NPAS1: variants seen among roughly 807,000 people sequenced by gnomAD.
NPAS1 encodes neuronal PAS domain protein 1.
In NPAS1, 29 loss-of-function variants were observed where a neutral mutation model predicts 49.2. The ratio of observed to expected loss-of-function variants is 0.59; its 90% confidence interval spans 0.44 to 0.80. The LOEUF (loss-of-function observed/expected upper bound fraction) is 0.80. Among genes scored for constraint, NPAS1 ranks in the 30% least tolerant of loss-of-function variants. NPAS1 has a pLI of 0.00. For synonymous variants in NPAS1, 408 were observed against 380.4 expected (o/e 1.07, Z -0.84); for missense variants, 825 against 835.5 (o/e 0.99, Z 0.15).
chr19:47,040,333 T>G, intron 8 of NPAS1, 111 bp from the exon 9 acceptor site: 1 of 681,694 alleles, frequency 1.5e-6, no homozygotes, highest in Non-Finnish European at 2.6e-6. Flanking sequence ...ACACTGTTAT[T>G]GCACCCATTT....
intron 7 of NPAS1, 22 bp downstream of exon 7, chr19:47,039,173 C>T (rs1344121726): frequency 1.3e-6 from 2 of 1,575,648 alleles, no homozygotes; most frequent in South Asian, 1.2e-5. Flanking sequence ...CAGTCAGGCT[C>T]CTGTATTCCA....
At chr19:47,023,611 A>T (rs1214477706) in intron 3 of NPAS1, among the ~76,000 whole-genome samples, 1 of 152,198 alleles carries the variant, frequency 6.6e-6, no homozygotes, top group Non-Finnish European at 1.5e-5. Context: ...GCCACAGAGC[A>T]GAGCACTGTC....
chr19:47,028,138 G>A (rs2056885723), intron 3 of NPAS1, among the ~76,000 whole-genome samples: 1 of 151,710 alleles, frequency 6.6e-6, no homozygotes, highest in African/African-American at 2.4e-5. Flanking sequence ...TAATTGCAGC[G>A]GTTCAGTCTG....
At position 47,043,823 on chromosome 19, in the gene NPAS1, G is replaced by A. The variant is rs368453321; in HGVS notation, c.1312+919G>A. ...CTTATGCCTGTAAACCCAGAACTTT[G>A]GGAGGCTGAGGTAAGAGAATTGCTT... On this transcript the variant is annotated intron_variant, in intron 11 of 11. Coordinates refer to ENST00000602212, the MANE Select transcript of NPAS1 (RefSeq NM_002517.4). 5.3e-5 allele frequency among the ~76,000 whole-genome samples: 8 copies of A among 152,004 alleles called. No homozygotes were observed. The East Asian group carries it at 9.6e-4, about 18-fold the overall frequency.
intron 8 of NPAS1, among the ~76,000 whole-genome samples, 170 bp downstream of exon 8, chr19:47,039,734 G>A (rs566413584): frequency 6.6e-6 from 1 of 152,134 alleles, no homozygotes; most frequent in African/African-American, 2.4e-5. Context: ...GGGAAGGCAG[G>A]GGACCAGGGC....
chr19:47,045,374 G>A lies in NPAS1; in HGVS notation c.1496G>A (p.Arg499Gln), dbSNP rs932009563. 1 of 1,613,424 alleles carries A rather than the reference G, an allele frequency of 6.2e-7. No individual in the cohort carries two copies. Among genetic ancestry groups the A allele is most frequent in the Non-Finnish European group, 8.5e-7 (1 of 1,179,852 alleles). The part of the protein sequence containing the change: ...TPRPEFTSVI[R>Q]AGVLKQDPVR... ...AGGCCCGAGTTCACCTCTGTCATCC[G>A]GGCAGGGGTCCTGAAGCAGGATCCG... The change falls in exon 12 of 12, where the codon CGG becomes CAG. Residue 499 changes from arginine (R) to glutamine (Q), a missense_variant. Coordinates refer to ENST00000602212, the MANE Select transcript of NPAS1 (RefSeq NM_002517.4).
Position 47,026,141 on chromosome 19 carries a change from G to A in NPAS1, c.358+4294G>A, listed in dbSNP as rs561416106. 6.6e-5 allele frequency among the ~76,000 whole-genome samples: 10 copies of A among 152,154 alleles called. No homozygotes were observed. In the South Asian group the frequency reaches 1.9e-3, roughly 28 times the overall value. On this transcript the variant is annotated intron_variant, in intron 3 of 11. Transcript: ENST00000602212. ...TTTAGTAGAGACAGGGTTTCGCCACGTTGGCCAGGCTGGTCTTGAACTCCT... is the reference window on the plus strand; with the variant it reads ...TTTAGTAGAGACAGGGTTTCGCCACATTGGCCAGGCTGGTCTTGAACTCCT...
chr19:47,043,643 G>T (rs989587116), intron 11 of NPAS1, among the ~76,000 whole-genome samples: 6 of 152,092 alleles, frequency 3.9e-5, no homozygotes, highest in African/African-American at 1.2e-4. Flanking sequence ...TGTAGTCCCA[G>T]CTACTCAGGA....
intron 3 of NPAS1, among the ~76,000 whole-genome samples, chr19:47,025,178 A>G (rs1451763455): frequency 1.5e-5 from 2 of 136,104 alleles, no homozygotes; most frequent in African/African-American, 2.5e-5. Flanking sequence ...TCATTCACCA[A>G]CAGCCTCTTG....
chr19:47,023,772 G>A (rs1240530707), intron 3 of NPAS1, among the ~76,000 whole-genome samples: 3 of 152,002 alleles, frequency 2.0e-5, no homozygotes, highest in African/African-American at 7.2e-5. Flanking sequence ...GGGCAACATA[G>A]CAAAACCCTG....
In NPAS1 at chr19:47,020,969, G is replaced by A. The variant is rs890155093; in HGVS notation, c.-42-37G>A. The A allele has an allele frequency of 7.6e-6, 10 of 1,316,256 alleles. No homozygotes were observed. The African/African-American group carries it at 1.2e-4, about 16-fold the overall frequency. The allele number at this position is 1,316,256 out of a possible 1,614,324, so 81.5% of individuals were successfully genotyped here. A position where few individuals can be genotyped will look rare whatever the true frequency, so the allele number is the denominator to read the frequency against. ...CAGTTTCCCTAGAAGGTCTCCCGAG[G>A]GCACTAAGCGTTGCCCCTGGCCCCC... On this transcript the variant is annotated intron_variant, in intron 1 of 11. Coordinates refer to ENST00000602212, the MANE Select transcript of NPAS1 (RefSeq NM_002517.4).
chr19:47,032,362 C>G lies in NPAS1; in HGVS notation c.432+11C>G. The G allele has an allele frequency of 6.2e-7, 1 of 1,613,364 alleles. No homozygotes were observed. The highest frequency in any genetic ancestry group is 8.5e-7 in the Non-Finnish European group (1 of 1,179,480). ...GGTCACATCTTGCAGGTGAGTGAGGCCCCTTCCCTGCCTGCCGCTCCTTGC... is the reference window on the plus strand; with the variant it reads ...GGTCACATCTTGCAGGTGAGTGAGGGCCCTTCCCTGCCTGCCGCTCCTTGC... On this transcript the variant is annotated intron_variant, in intron 4 of 11. Coordinates refer to ENST00000602212, the MANE Select transcript of NPAS1 (RefSeq NM_002517.4).
Position 47,021,599 on chromosome 19 carries a change from G to GC in NPAS1, c.123-11dup. On this transcript the variant is annotated splice_polypyrimidine_tract_variant and intron_variant, in intron 2 of 11. Coordinates refer to ENST00000602212, the MANE Select transcript of NPAS1 (RefSeq NM_002517.4). This position sits in a 1 kb window ranked among gnomAD's most constrained non-coding sequence, Gnocchi z 5.7. ...GGGGCCCCGCCGACACCTCCTCCGC[G>GC]CCGCCCGCCCAGCCTGCAGGCGCAG... 1 of 1,461,572 alleles carries GC rather than the reference G, an allele frequency of 6.8e-7. No individual in the cohort carries two copies. Among genetic ancestry groups the GC allele is most frequent in the South Asian group, 1.3e-5 (1 of 74,600 alleles). The allele number at this position is 1,461,572 out of a possible 1,614,324, so 90.5% of individuals were successfully genotyped here.
chr19:47,029,120 T>C (rs2056890863), intron 3 of NPAS1, among the ~76,000 whole-genome samples: 1 of 152,088 alleles, frequency 6.6e-6, no homozygotes, highest in Admixed American at 6.6e-5. Context: ...TTGCTCTTGC[T>C]GCCCAGGCTG....
intron 8 of NPAS1, 60 bp downstream of exon 8, chr19:47,039,624 A>C: frequency 6.6e-7 from 1 of 1,504,090 alleles, no homozygotes; most frequent in South Asian, 1.3e-5. Flanking sequence ...CTGGGGGTAC[A>C]TGGGGAGTCA....
intron 3 of NPAS1, among the ~76,000 whole-genome samples, chr19:47,031,596 T>C (rs913943263): frequency 6.7e-6 from 1 of 149,604 alleles, no homozygotes; most frequent in African/African-American, 2.5e-5. Context: ...AGTGGCATGA[T>C]CTCGGCTCAC....
At chr19:47,034,788 A>C (rs1274976105) in intron 5 of NPAS1, among the ~76,000 whole-genome samples, 1 of 152,108 alleles carries the variant, frequency 6.6e-6, no homozygotes, top group Non-Finnish European at 1.5e-5. Flanking sequence ...AGGCAGAAGA[A>C]TCACTTGAAC....
In NPAS1 at chr19:47,021,860, G is replaced by T; in HGVS notation, c.358+13G>T. 7.0e-7 allele frequency: 1 copy of T among 1,436,038 alleles called. No individual in the cohort carries two copies. The highest frequency in any genetic ancestry group is 1.4e-5 in the South Asian group (1 of 69,860). The allele number at this position is 1,436,038 out of a possible 1,614,324, so 89.0% of individuals were successfully genotyped here. A position where few individuals can be genotyped will look rare whatever the true frequency, so the allele number is the denominator to read the frequency against. On this transcript the variant is annotated intron_variant, in intron 3 of 11. Coordinates refer to ENST00000602212, the MANE Select transcript of NPAS1 (RefSeq NM_002517.4). This position sits in a 1 kb window ranked among gnomAD's most constrained non-coding sequence, Gnocchi z 5.7. ...CCAGCTGGCCTCGGTGAGTGCTCATGCGCGGGGCGAGGGTCCCGGGGCCCT... is the reference window on the plus strand; with the variant it reads ...CCAGCTGGCCTCGGTGAGTGCTCATTCGCGGGGCGAGGGTCCCGGGGCCCT...
At chr19:47,041,343 A>G (rs1351402158) in intron 10 of NPAS1, among the ~76,000 whole-genome samples, 1 of 152,076 alleles carries the variant, frequency 6.6e-6, no homozygotes, top group Non-Finnish European at 1.5e-5. Context: ...GGAGGGGGAC[A>G]GTATCTTTGA....
Sources: allele counts gnomAD v4.1 joint callset (sites outside exome capture counted in the v4.1 genomes callset), GRCh38; gene constraint gnomAD v4.1.1; non-coding constraint Gnocchi (gnomAD v3.1); transcripts MANE v1.5; gene names NCBI Gene and HGNC (gene_info 2026-07-23, HGNC 2026-07-21).